Variants in MMRN1 observed in about 807,000 individuals in gnomAD.
MMRN1 encodes the protein multimerin 1, also known as multimerin-1.
In MMRN1, 94 loss-of-function variants were observed where a neutral mutation model predicts 100.7. The ratio of observed to expected loss-of-function variants is 0.93; its 90% CI spans 0.79 to 1.11. MMRN1 has a LOEUF of 1.11. Among genes scored for constraint, MMRN1 ranks in the 50% least tolerant of loss-of-function variants. The pLI is 0.00. For synonymous variants in MMRN1, 575 were observed against 505.0 expected, an observed-to-expected ratio of 1.14 and a Z score of -1.86; for missense variants, 1,606 against 1,439.1, an observed-to-expected ratio of 1.12 and a Z score of -1.88.
intron 4 of MMRN1, among the ~76,000 whole-genome samples, chr4:89,925,677 A>T (rs1332338430): frequency 6.6e-6 from 1 of 151,984 alleles, no homozygotes; most frequent in Admixed American, 6.6e-5. Flanking sequence ...TCAAATAAAA[A>T]AAATTAGCCA....
intron 1 of MMRN1, among the ~76,000 whole-genome samples, chr4:89,906,346 C>A (rs926665155): frequency 2.6e-5 from 4 of 151,454 alleles, no homozygotes; most frequent in Non-Finnish European, 5.9e-5. Context: ...TCTGCTTTTC[C>A]CTAGAACAAA....
upstream of MMRN1, among the ~76,000 whole-genome samples, chr4:89,889,908 C>T (rs2110573928): frequency 6.6e-6 from 1 of 152,210 alleles, no homozygotes; most frequent in East Asian, 1.9e-4. Flanking sequence ...CATTTCTATA[C>T]CTTGGAAGAC....
intron 1 of MMRN1, among the ~76,000 whole-genome samples, chr4:89,884,286 G>A (rs1305005714): frequency 6.6e-6 from 1 of 152,114 alleles, no homozygotes; most frequent in East Asian, 1.9e-4. Flanking sequence ...AAGTAAACTT[G>A]AGGAGGATGG....
chr4:89,923,784 T>C (rs1342159020), intron 4 of MMRN1, among the ~76,000 whole-genome samples: 1 of 152,236 alleles, frequency 6.6e-6, no homozygotes, highest in East Asian at 1.9e-4. Context: ...AATCAGTTTT[T>C]GCCATTTCTT....
intron 6 of MMRN1, among the ~76,000 whole-genome samples, chr4:89,943,312 T>G (rs1396184697): frequency 1.3e-5 from 2 of 152,198 alleles, no homozygotes; most frequent in Non-Finnish European, 2.9e-5. Context: ...TATTGTCAAC[T>G]AAGAAACTGC....
chr4:89,895,019 G>T lies in MMRN1; in HGVS notation c.48G>T (p.Gly16=). The change falls in exon 1 of 8, where the codon GGG becomes GGT. Residue 16 remains glycine, a synonymous_variant. Transcript: ENST00000264790. Reference sequence around the variant, plus strand: ...TCCTTCTTTCTAGTTTATGGAGTGGGGGCATTGGGCTTAACAACAGTAAGC... The same window carrying T: ...TCCTTCTTTCTAGTTTATGGAGTGGTGGCATTGGGCTTAACAACAGTAAGC... ...LFVLLSSLWS[G]GIGLNNSKHS... 6.2e-7 allele frequency: 1 copy of T among 1,613,734 alleles called. No homozygotes were observed. The highest frequency in any genetic ancestry group is 8.5e-7 in the Non-Finnish European group (1 of 1,179,762).
intron 5 of MMRN1, 73 bp from the exon 6 acceptor site, chr4:89,934,737 C>A (rs1041835312): frequency 1.6e-4 from 136 of 866,986 alleles, no homozygotes; most frequent in Non-Finnish European, 2.1e-4. Flanking sequence ...TAATTTCAAA[C>A]TTTTTATCTT....
rs201955198 is a variant in MMRN1 at position 89,935,750 on chromosome 4, T to C, written c.2070T>C (p.Phe690=). 1.9e-6 allele frequency: 3 copies of C among 1,611,912 alleles called. No homozygotes were observed. Among genetic ancestry groups the C allele is most frequent in the Non-Finnish European group, 2.5e-6 (3 of 1,179,356 alleles). Residue 690 remains phenylalanine, a synonymous_variant, in exon 6 of 8, where the codon TTT becomes TTC. Transcript: ENST00000264790. ...CTAGTGCTGTCAATAGTCTAAATTT[T>C]ATTATCAAAGAACTTACAAAAAGAC... ...NLTSAVNSLN[F]IIKELTKRHN...
chr4:89,880,013 G>C (rs1293731520), intron 1 of MMRN1, among the ~76,000 whole-genome samples: 1 of 152,130 alleles, frequency 6.6e-6, no homozygotes, highest in Non-Finnish European at 1.5e-5. Flanking sequence ...GACTGCTCTG[G>C]GTATAGAAAC....
At chr4:89,914,475 A>G (rs1457461694) in intron 3 of MMRN1, among the ~76,000 whole-genome samples, 1 of 151,502 alleles carries the variant, frequency 6.6e-6, no homozygotes, top group East Asian at 1.9e-4. Context: ...TTATAAAAAT[A>G]TTCATCATAT....
At chr4:89,925,794 A>G (rs2110619019) in intron 4 of MMRN1, among the ~76,000 whole-genome samples, 1 of 152,162 alleles carries the variant, frequency 6.6e-6, no homozygotes, top group Non-Finnish European at 1.5e-5. Flanking sequence ...ATCAGCCATT[A>G]TCCTTCCCAT....
chr4:89,906,875 G>A (rs1721580880), intron 1 of MMRN1, among the ~76,000 whole-genome samples: 1 of 151,314 alleles, frequency 6.6e-6, no homozygotes, highest in Admixed American at 6.6e-5. Context: ...TTAGTCATGA[G>A]ATTGTTTTAA....
At chr4:89,924,429 G>A (rs1235608261) in intron 4 of MMRN1, among the ~76,000 whole-genome samples, 1 of 151,964 alleles carries the variant, frequency 6.6e-6, no homozygotes, top group Non-Finnish European at 1.5e-5. Flanking sequence ...TTTCCTGAAT[G>A]AATATAGTCT....
At chr4:89,907,658 T>G (rs1721610533) in intron 1 of MMRN1, among the ~76,000 whole-genome samples, 1 of 151,426 alleles carries the variant, frequency 6.6e-6, no homozygotes, top group African/African-American at 2.4e-5. Flanking sequence ...CTGGTTTCTA[T>G]TCCTTATCTT....
chr4:89,940,436 A>G (rs952565523), intron 6 of MMRN1, among the ~76,000 whole-genome samples: 15 of 152,284 alleles, frequency 9.9e-5, no homozygotes, highest in Middle Eastern at 6.8e-3. Context: ...TTTAAAAATT[A>G]TCATTGATGT....
At position 89,895,137 on chromosome 4, in the gene MMRN1, C is replaced by T. The variant is rs778197312; in HGVS notation, c.166C>T (p.Pro56Ser). The change falls in exon 1 of 8, where the codon CCA becomes TCA. Residue 56 changes from proline (P) to serine (S), a missense_variant. Coordinates refer to ENST00000264790, the MANE Select transcript of MMRN1 (RefSeq NM_007351.3). Reference protein sequence around the residue: ...PNKIQSLQILPTTRVMSAEIA... With the variant: ...PNKIQSLQILSTTRVMSAEIA... ...TAAAATACAAAGTTTGCAAATACTG[C>T]CAACCACTCGGGTCATGTCGGCGGA... The T allele has an allele frequency of 5.0e-6, 8 of 1,613,836 alleles. No homozygotes were observed. The South Asian group carries it at 8.8e-5, about 18-fold the overall frequency.
intron 1 of MMRN1, among the ~76,000 whole-genome samples, chr4:89,881,763 C>A (rs1238747945): frequency 6.6e-6 from 1 of 151,818 alleles, no homozygotes; most frequent in Non-Finnish European, 1.5e-5. Context: ...TATATTGTTG[C>A]AAGTTGTGTA....
At chr4:89,930,546 A>C (rs1722403215) in intron 5 of MMRN1, among the ~76,000 whole-genome samples, 1 of 151,332 alleles carries the variant, frequency 6.6e-6, no homozygotes, top group African/African-American at 2.4e-5. Flanking sequence ...TGTACCTTTC[A>C]ATCTTGAAAA....
In MMRN1 at chr4:89,936,321, A is replaced by T. The variant is rs377087842; in HGVS notation, c.2641A>T (p.Lys881Ter). 3.7e-6 allele frequency: 6 copies of T among 1,612,272 alleles called. No homozygotes were observed. Among genetic ancestry groups the T allele is most frequent in the Non-Finnish European group, 5.1e-6 (6 of 1,179,280 alleles). ...QTLIPYYISV[K>*]KGSVVTNERD... ...GCTCATACCTTATTATATTTCAGTTAAAAAAGGCAGTGTAGTTACAAATGA... is the reference window on the plus strand; with the variant it reads ...GCTCATACCTTATTATATTTCAGTTTAAAAAGGCAGTGTAGTTACAAATGA... Residue 881 changes from lysine to a stop codon, truncating the protein, a stop_gained, in exon 6 of 8, where the codon AAA becomes TAA. Transcript: ENST00000264790. LOFTEE classifies it high-confidence loss of function.
Sources: gnomAD v4.1 joint callset for allele counts (sites outside exome capture counted in the v4.1 genomes callset) on GRCh38, gnomAD v4.1.1 for gene constraint, MANE v1.5 for transcripts, NCBI Gene and HGNC (gene_info 2026-07-23, HGNC 2026-07-21) for gene names.